ARHGEF28: variants seen among roughly 807,000 people sequenced by gnomAD.
ARHGEF28 encodes 190 kDa guanine nucleotide exchange factor.
Under a neutral mutation model 206.6 loss-of-function variants are expected in ARHGEF28, and 152 were observed. The observed-to-expected ratio is 0.74, with a 90% CI of 0.64 to 0.84. The LOEUF is 0.84. Ranked by LOEUF, ARHGEF28 falls within the 40% of genes least tolerant of loss-of-function variation. ARHGEF28 has a pLI of 0.00. For missense variants in ARHGEF28, 2,028 were observed against 2,073.2 expected (o/e 0.98, Z 0.42); for synonymous variants, 763 against 776.4 (o/e 0.98, Z 0.29).
chr5:73,706,233 A>C (rs1748921138), intron 2 of ARHGEF28, among the ~76,000 whole-genome samples: 1 of 152,204 alleles, frequency 6.6e-6, no homozygotes, highest in Non-Finnish European at 1.5e-5. Flanking sequence ...GCCCATTAAA[A>C]ATAAACCAAG....
chr5:73,929,529 A>C (rs1481646079), intron 35 of ARHGEF28, among the ~76,000 whole-genome samples: 1 of 152,222 alleles, frequency 6.6e-6, no homozygotes, highest in Non-Finnish European at 1.5e-5. Context: ...CAGGATCCAA[A>C]TAAAACCACA....
intron 8 of ARHGEF28, among the ~76,000 whole-genome samples, chr5:73,794,837 C>A (rs1185523146): frequency 6.6e-6 from 1 of 152,164 alleles, no homozygotes; most frequent in African/African-American, 2.4e-5. Context: ...GAACTCGTGA[C>A]CTCAGGTGAT....
At chr5:73,693,820 C>A (rs1335071309) in intron 2 of ARHGEF28, among the ~76,000 whole-genome samples, 2 of 152,190 alleles carry the variant, frequency 1.3e-5, no homozygotes, top group East Asian at 3.8e-4. Context: ...CTTAACTTGA[C>A]CTTTTCCTAT....
chr5:73,689,921 TGGAAAAG>T (rs1747709469), intron 2 of ARHGEF28, among the ~76,000 whole-genome samples: 1 of 152,158 alleles, frequency 6.6e-6, no homozygotes, highest in Non-Finnish European at 1.5e-5. Flanking sequence ...TGCAAAAGCC[TGGAAAAG>T]GGTAAGTTAG....
chr5:73,748,344 G>A (rs977372592), intron 2 of ARHGEF28, among the ~76,000 whole-genome samples: 1 of 140,874 alleles, frequency 7.1e-6, no homozygotes, highest in Admixed American at 7.0e-5. Context: ...GCCAACCAGT[G>A]ATTTTTTTTC....
At chr5:73,749,735 A>G in intron 2 of ARHGEF28, 102 bp from the exon 3 acceptor site, 1 of 1,290,006 alleles carries the variant, frequency 7.8e-7, no homozygotes. Flanking sequence ...CATGAAGTGA[A>G]CATAACAAAT....
chr5:73,814,392 G>A (rs1162914878), intron 9 of ARHGEF28, among the ~76,000 whole-genome samples: 1 of 152,018 alleles, frequency 6.6e-6, no homozygotes, highest in Non-Finnish European at 1.5e-5. Context: ...CATTCTTGTT[G>A]TAGTGTGGGC....
chr5:73,722,408 A>C (rs1750015608), intron 2 of ARHGEF28, among the ~76,000 whole-genome samples: 1 of 152,232 alleles, frequency 6.6e-6, no homozygotes, highest in Admixed American at 6.5e-5. Flanking sequence ...GGACTACCAG[A>C]GTGTAAGGAC....
At chr5:73,744,831 A>G (rs953157436) in intron 2 of ARHGEF28, among the ~76,000 whole-genome samples, 3 of 151,906 alleles carry the variant, frequency 2.0e-5, no homozygotes, top group Non-Finnish European at 2.9e-5. Flanking sequence ...TTAACTTCCC[A>G]TTTTTGCCTG....
intron 2 of ARHGEF28, among the ~76,000 whole-genome samples, chr5:73,737,380 G>A (rs932456941): frequency 3.3e-5 from 5 of 149,524 alleles, no homozygotes; most frequent in African/African-American, 4.9e-5. Flanking sequence ...GCTTGCCCCC[G>A]TCATCACTCC....
intron 11 of ARHGEF28, among the ~76,000 whole-genome samples, chr5:73,844,860 G>A (rs1359516338): frequency 6.6e-6 from 1 of 150,694 alleles, no homozygotes; most frequent in African/African-American, 2.4e-5. Flanking sequence ...AGTTTGAGTC[G>A]TTTAAAACGT....
At chr5:73,735,194 GTAAT>G (rs897798677) in intron 2 of ARHGEF28, among the ~76,000 whole-genome samples, 1 of 150,796 alleles carries the variant, frequency 6.6e-6, no homozygotes. Context: ...AATTTATTAA[GTAAT>G]TAATAAATTA....
intron 28 of ARHGEF28, among the ~76,000 whole-genome samples, chr5:73,894,016 C>T (rs1259370273): frequency 6.6e-6 from 1 of 152,098 alleles, no homozygotes; most frequent in African/African-American, 2.4e-5. Flanking sequence ...CCGTTCCAGG[C>T]ATTTGTATTG....
intron 1 of ARHGEF28, among the ~76,000 whole-genome samples, chr5:73,677,336 T>G (rs1746768207): frequency 1.3e-5 from 2 of 152,208 alleles, no homozygotes; most frequent in Non-Finnish European, 2.9e-5. Flanking sequence ...ATGAGGATCA[T>G]CTGAGATGAT....
At chr5:73,849,222 G>T in intron 13 of ARHGEF28, 135 bp downstream of exon 13, 2 of 656,608 alleles carry the variant, frequency 3.0e-6, no homozygotes, top group South Asian at 4.3e-5. Context: ...GTTTTTCTAA[G>T]CCTGACAAAA....
chr5:73,632,750 C>T (rs1743447207), intron 1 of ARHGEF28, among the ~76,000 whole-genome samples: 1 of 152,080 alleles, frequency 6.6e-6, no homozygotes, highest in African/African-American at 2.4e-5. Flanking sequence ...TATTCCAATT[C>T]ACTATTTTCT....
intron 9 of ARHGEF28, among the ~76,000 whole-genome samples, chr5:73,830,768 AT>A (rs899038079): frequency 3.4e-5 from 5 of 149,230 alleles, no homozygotes; most frequent in South Asian, 2.1e-4. Context: ...GAAAGAATGG[AT>A]TTTTTTTTTG....
intron 1 of ARHGEF28, 152 bp from the exon 2 acceptor site, chr5:73,684,689 T>G (rs1747333381): frequency 1.9e-6 from 1 of 516,206 alleles, no homozygotes. Flanking sequence ...AGATAGCATC[T>G]TAGTCCTTTA....
At chr5:73,935,276 GC>G (rs1764356513) in intron 35 of ARHGEF28, among the ~76,000 whole-genome samples, 1 of 152,016 alleles carries the variant, frequency 6.6e-6, no homozygotes, top group Non-Finnish European at 1.5e-5. Context: ...ACAAACACAT[GC>G]CCACCCCACA....
Sources: gnomAD v4.1 joint callset for allele counts (sites outside exome capture counted in the v4.1 genomes callset) on GRCh38, gnomAD v4.1.1 for gene constraint, MANE v1.5 for transcripts, NCBI Gene and HGNC (gene_info 2026-07-23, HGNC 2026-07-21) for gene names.